NYAP2: variants seen among roughly 807,000 people sequenced by gnomAD.
The protein encoded by NYAP2 is neuronal tyrosine-phosphorylated phosphoinositide-3-kinase adapter 2.
NYAP2 carries 23 observed loss-of-function variants against 50.4 expected under a neutral mutation model. That is an observed-to-expected ratio of 0.46 (90% CI 0.33 to 0.65). The LOEUF is 0.65. NYAP2 is among the 30% of genes least tolerant of loss of function. The probability of loss-of-function intolerance (pLI) is 0.02; values close to 1 mark genes in which losing one functional copy is unlikely to be tolerated. For missense variants in NYAP2, 885 were observed against 861.0 expected (o/e 1.03, Z -0.35); for synonymous variants, 394 against 365.2 (o/e 1.08, Z -0.90).
chr2:225,632,457 C>T (rs1178908892), intron 6 of NYAP2, among the ~76,000 whole-genome samples: 2 of 152,164 alleles, frequency 1.3e-5, no homozygotes, highest in Admixed American at 1.3e-4. Flanking sequence ...TATTGCTTTA[C>T]CAAAAGTAGT....
rs1692812531 is a variant in NYAP2 at position 225,607,697 on chromosome 2, G to T, written c.1619-19220G>T. The stretch of plus-strand genomic sequence containing the variant: ...TCCCTCTAGGAGATTTTTATCAGTT[G>T]TTTATCAAAAGAACCATGAAGAACT... On this transcript the variant is annotated intron_variant, in intron 5 of 6. Coordinates refer to ENST00000636099, the Ensembl canonical transcript of NYAP2. 3.0e-4 allele frequency among the ~76,000 whole-genome samples: 4 copies of T among 13,200 alleles called. No homozygotes were observed. In the South Asian group the frequency reaches 4.2e-3, roughly 14 times the overall value. 8.7% of individuals were successfully genotyped at this position (13,200 alleles called of 152,430 possible).
rs1689570421 is a variant in NYAP2, at chr2:225,446,682, A to T, written c.221+37581A>T. Among the ~76,000 whole-genome samples the T allele has an allele frequency of 2.0e-5, 3 of 152,126 alleles. No homozygotes were observed. In the South Asian group the frequency reaches 6.2e-4, roughly 32 times the overall value. On this transcript the variant is annotated intron_variant, in intron 3 of 6. Transcript: ENST00000636099. Reference sequence around the variant, plus strand: ...ATTTATTGTAAAATCCAATTATGTAATATTGATTTATTGAAAACAGTGTAA... The same window carrying T: ...ATTTATTGTAAAATCCAATTATGTATTATTGATTTATTGAAAACAGTGTAA...
In NYAP2 at chr2:225,636,027, G is replaced by T. The variant is rs554100476; in HGVS notation, c.1828+8901G>T. On this transcript the variant is annotated intron_variant, in intron 6 of 6. Coordinates refer to ENST00000636099, the Ensembl canonical transcript of NYAP2. ...ATTTTCTAACTAAAATTTCTTCAAC[G>T]TATACTTTGTGTTGTGCAGAGGGTG... Among the ~76,000 whole-genome samples, 6 of 152,072 alleles carry T rather than the reference G, an allele frequency of 3.9e-5. No homozygotes were observed. In the South Asian group the frequency reaches 1.2e-3, roughly 32 times the overall value.
chr2:225,405,571 T>C (rs1694926794), intron 2 of NYAP2, among the ~76,000 whole-genome samples: 1 of 152,026 alleles, frequency 6.6e-6, no homozygotes, highest in Non-Finnish European at 1.5e-5. Context: ...TACTCGTCTG[T>C]GGGTTCTCAC....
At chr2:225,399,400 T>C (rs915405322), upstream of NYAP2, among the ~76,000 whole-genome samples, 12 of 152,030 alleles carry the variant, frequency 7.9e-5, no homozygotes, top group African/African-American at 2.9e-4. Context: ...ATGTATATAT[T>C]CAGTAGAGTA....
At chr2:225,675,274 T>C in the NYAP2 span, among the ~76,000 whole-genome samples, 1 of 152,086 alleles carries the variant, frequency 6.6e-6, no homozygotes, top group Non-Finnish European at 1.5e-5. Flanking sequence ...TGGGCATTTC[T>C]TCAGCTCACA....
chr2:225,643,026 C>A (rs1040085023), intron 6 of NYAP2, among the ~76,000 whole-genome samples: 6 of 151,988 alleles, frequency 3.9e-5, no homozygotes, highest in Non-Finnish European at 8.8e-5. Flanking sequence ...GACCAGAAAA[C>A]AGGAGTAAAA....
the NYAP2 span, among the ~76,000 whole-genome samples, chr2:225,690,832 C>T: frequency 6.6e-6 from 1 of 152,026 alleles, no homozygotes; most frequent in African/African-American, 2.4e-5. Flanking sequence ...TGAATCAATA[C>T]TCTTGATTTT....
chr2:225,531,311 G>A (rs1353050579), intron 4 of NYAP2, among the ~76,000 whole-genome samples: 4 of 152,116 alleles, frequency 2.6e-5, no homozygotes, highest in Non-Finnish European at 4.4e-5. Context: ...TCTTTTCCAA[G>A]TTATTCTCTG....
chr2:225,564,348 G>T (rs1691925814), intron 4 of NYAP2, among the ~76,000 whole-genome samples: 1 of 151,574 alleles, frequency 6.6e-6, no homozygotes, highest in South Asian at 2.1e-4. Context: ...TTTTTCCATT[G>T]TCCACTGCTA....
intron 5 of NYAP2, among the ~76,000 whole-genome samples, chr2:225,625,305 A>G (rs1159677924): frequency 1.3e-5 from 2 of 152,194 alleles, no homozygotes; most frequent in African/African-American, 4.8e-5. Context: ...TGCAATATAA[A>G]TAAATTAATT....
chr2:225,429,683 G>A (rs372608456), intron 3 of NYAP2, among the ~76,000 whole-genome samples: 11 of 152,318 alleles, frequency 7.2e-5, no homozygotes, highest in African/African-American at 2.6e-4. Context: ...AAAAATGATA[G>A]ATATAGCACA....
chr2:225,508,888 T>G (rs1690760234), intron 3 of NYAP2, among the ~76,000 whole-genome samples: 1 of 152,234 alleles, frequency 6.6e-6, no homozygotes, highest in Admixed American at 6.5e-5. Context: ...GTTGAGGGAC[T>G]TCTGAGCCAC....
chr2:225,631,243 CAG>C (rs1220174752), intron 6 of NYAP2, among the ~76,000 whole-genome samples: 1 of 152,128 alleles, frequency 6.6e-6, no homozygotes, highest in East Asian at 1.9e-4. Flanking sequence ...CTAATAAATT[CAG>C]AGTGTAAACA....
chr2:225,570,606 A>C (rs1225915812), intron 4 of NYAP2, among the ~76,000 whole-genome samples: 1 of 152,168 alleles, frequency 6.6e-6, no homozygotes, highest in Non-Finnish European at 1.5e-5. Context: ...CTATCATGAG[A>C]ACAGCATGGG....
At chr2:225,536,936 G>C (rs1055346402) in intron 4 of NYAP2, among the ~76,000 whole-genome samples, 1 of 151,678 alleles carries the variant, frequency 6.6e-6, no homozygotes, top group Non-Finnish European at 1.5e-5. Flanking sequence ...CCGCCACCAC[G>C]CCCGGCTTTT....
intron 5 of NYAP2, among the ~76,000 whole-genome samples, chr2:225,608,366 T>C (rs1413943270): frequency 2.0e-5 from 3 of 152,086 alleles, no homozygotes; most frequent in African/African-American, 7.2e-5. Flanking sequence ...TGACCTGGGA[T>C]AATTATTCTC....
At chr2:225,668,539 G>A in the NYAP2 span, among the ~76,000 whole-genome samples, 3 of 152,008 alleles carry the variant, frequency 2.0e-5, no homozygotes, top group Admixed American at 6.6e-5. Flanking sequence ...ATGTTTTATC[G>A]ATGTCTAAAT....
intron 6 of NYAP2, among the ~76,000 whole-genome samples, chr2:225,646,199 T>A (rs1406905633): frequency 6.6e-6 from 1 of 152,182 alleles, no homozygotes; most frequent in East Asian, 1.9e-4. Flanking sequence ...TTAGGAATGA[T>A]GTGAAACTGA....
Sources: gnomAD v4.1 joint callset for allele counts (sites outside exome capture counted in the v4.1 genomes callset) on GRCh38, gnomAD v4.1.1 for gene constraint, MANE v1.5 for transcripts, NCBI Gene and HGNC (gene_info 2026-07-23, HGNC 2026-07-21) for gene names.